Variants in CSMD1 observed in about 807,000 individuals in gnomAD.
The protein encoded by CSMD1 is CUB and sushi domain-containing protein 1.
In CSMD1, 213 loss-of-function variants were observed where a neutral mutation model predicts 417.5. That is an observed-to-expected ratio of 0.51 (90% CI 0.46 to 0.57). The LOEUF (loss-of-function observed/expected upper bound fraction) is 0.57, where lower values mean the gene tolerates loss of function less well. Among genes scored for constraint, CSMD1 ranks in the 20% least tolerant of loss-of-function variants. CSMD1 has a pLI of 0.00. For missense variants in CSMD1, 6,923 were observed against 4,529.7 expected (o/e 1.53, Z -15.17); for synonymous variants, 2,862 against 1,736.8 (o/e 1.65, Z -16.11).
chr8:4,961,406 T>A (rs17071921), intron 1 of CSMD1, among the ~76,000 whole-genome samples: 5,661 of 152,228 alleles, frequency 0.037, 341 homozygotes, highest in African/African-American at 0.13. Flanking sequence ...CAACTTCACT[T>A]TTCTCACAGG....
chr8:3,957,718 AGAAAAAG>A (rs1812055239), intron 5 of CSMD1, among the ~76,000 whole-genome samples: 1 of 114,012 alleles, frequency 8.8e-6, no homozygotes, highest in South Asian at 3.5e-4. Context: ...AAAAGAGAAA[AGAAAAAG>A]GAAAAGAAAT....
intron 5 of CSMD1, among the ~76,000 whole-genome samples, chr8:3,880,494 T>A (rs1397794245): frequency 6.6e-6 from 1 of 152,176 alleles, no homozygotes; most frequent in Admixed American, 6.6e-5. Flanking sequence ...TTCCTTAGAG[T>A]TATAAATAAA....
intron 8 of CSMD1, among the ~76,000 whole-genome samples, chr8:3,597,292 C>G (rs531055225): frequency 1.3e-5 from 2 of 152,244 alleles, no homozygotes; most frequent in South Asian, 2.1e-4. Context: ...TGGGCTGATT[C>G]TGAAGCTGAG....
rs773362580 is a variant in CSMD1, at chr8:2,982,436, G to C, written c.8378-3636C>G. ...TTATTCTCTTTCAAACTTTCTTGAG[G>C]ATCATGGAGGTCCTTCCTATCCAGT... On this transcript the variant is annotated intron_variant, in intron 54 of 69. Transcript: ENST00000635120. Among the ~76,000 whole-genome samples the C allele has an allele frequency of 1.2e-4, 19 of 152,300 alleles. 1 individual carries two copies. Among genetic ancestry groups the C allele is most frequent in the African/African-American group, 4.3e-4 (18 of 41,574 alleles).
chr8:3,483,309 C>A (rs748448576), intron 11 of CSMD1, among the ~76,000 whole-genome samples: 1 of 151,994 alleles, frequency 6.6e-6, no homozygotes, highest in Non-Finnish European at 1.5e-5. Context: ...GCTATTACTA[C>A]AGATTCATCA....
chr8:4,869,827 T>C (rs554127361), intron 1 of CSMD1, among the ~76,000 whole-genome samples: 10 of 152,086 alleles, frequency 6.6e-5, no homozygotes, highest in Non-Finnish European at 1.3e-4. Context: ...GGCTGGTCTT[T>C]AATTTATCAT....
intron 2 of CSMD1, among the ~76,000 whole-genome samples, chr8:4,578,288 G>C (rs900392853): frequency 3.5e-5 from 5 of 144,100 alleles, no homozygotes; most frequent in South Asian, 4.5e-4. Context: ...AGCCTCCCGA[G>C]TAGAGTAGCT....
intron 7 of CSMD1, among the ~76,000 whole-genome samples, chr8:3,692,214 G>A (rs950747653): frequency 1.3e-5 from 2 of 152,154 alleles, no homozygotes; most frequent in Non-Finnish European, 2.9e-5. Flanking sequence ...ATACACCTCA[G>A]TGTCCTGGGG....
intron 53 of CSMD1, among the ~76,000 whole-genome samples, chr8:2,999,582 G>A (rs536452062): frequency 2.6e-5 from 4 of 152,272 alleles, no homozygotes; most frequent in East Asian, 3.9e-4. Flanking sequence ...CTGCAAAGCT[G>A]CCCAGCAGAC....
intron 5 of CSMD1, among the ~76,000 whole-genome samples, chr8:3,894,525 A>G (rs1349569982): frequency 1.3e-5 from 2 of 152,176 alleles, no homozygotes; most frequent in African/African-American, 4.8e-5. Context: ...AAAAAAAATA[A>G]TCCTATGATA....
At chr8:4,719,495 T>G (rs1808912314) in intron 1 of CSMD1, among the ~76,000 whole-genome samples, 1 of 152,018 alleles carries the variant, frequency 6.6e-6, no homozygotes, top group African/African-American at 2.4e-5. Context: ...TCAAGCGCAT[T>G]GTAAGTAATT....
intron 8 of CSMD1, among the ~76,000 whole-genome samples, chr8:3,609,878 G>T (rs902172072): frequency 7.9e-6 from 1 of 126,322 alleles, no homozygotes; most frequent in Non-Finnish European, 1.6e-5. Context: ...AAGTGAAGTG[G>T]TGCGATCTCG....
chr8:3,470,604 G>A (rs1817031226), intron 11 of CSMD1, among the ~76,000 whole-genome samples: 1 of 152,084 alleles, frequency 6.6e-6, no homozygotes, highest in Non-Finnish European at 1.5e-5. Flanking sequence ...CACCGCCATA[G>A]TCAATGCAGG....
intron 27 of CSMD1, among the ~76,000 whole-genome samples, chr8:3,224,516 G>T (rs1461346000): frequency 6.6e-6 from 1 of 152,150 alleles, no homozygotes; most frequent in East Asian, 1.9e-4. Flanking sequence ...ATTTCAAAGT[G>T]GCAAAACAAA....
intron 14 of CSMD1, 74 bp downstream of exon 14, chr8:3,407,825 C>G: frequency 7.7e-7 from 1 of 1,305,916 alleles, no homozygotes; most frequent in Non-Finnish European, 1.0e-6. Flanking sequence ...TGCAACTTCA[C>G]ATACATATAA....
intron 2 of CSMD1, among the ~76,000 whole-genome samples, chr8:4,420,701 A>T (rs946919472): frequency 6.6e-6 from 1 of 152,122 alleles, no homozygotes; most frequent in African/African-American, 2.4e-5. Context: ...GATGGTCAGG[A>T]TAGCAAAGGC....
chr8:4,116,248 C>T (rs1802140180), intron 3 of CSMD1, among the ~76,000 whole-genome samples: 1 of 152,082 alleles, frequency 6.6e-6, no homozygotes, highest in South Asian at 2.1e-4. Flanking sequence ...CAAGCCTCAG[C>T]CTCCCACAGT....
At chr8:3,170,503 C>T (rs905095447) in intron 37 of CSMD1, among the ~76,000 whole-genome samples, 10 of 152,184 alleles carry the variant, frequency 6.6e-5, no homozygotes, top group Non-Finnish European at 8.8e-5. Flanking sequence ...CCACCGTGCC[C>T]GGCCCGAGCT....
Position 4,184,756 on chromosome 8 carries a change from C to G in CSMD1, c.416-152657G>C, listed in dbSNP as rs148382792. Among the ~76,000 whole-genome samples, 109 of 128,044 alleles carry G rather than the reference C, an allele frequency of 8.5e-4. 1 individual carries two copies. Among genetic ancestry groups the G allele is most frequent in the African/African-American group, 2.7e-3 (92 of 34,140 alleles). The allele number at this position is 128,044 out of a possible 152,430, so 84.0% of individuals were successfully genotyped here. A position where few individuals can be genotyped will look rare whatever the true frequency, so the allele number is the denominator to read the frequency against. ...TAACTAATGGGTACTGGGCTTAATA[C>G]CTGGGTGATGAAATAATCTGTACCA... On this transcript the variant is annotated intron_variant, in intron 3 of 69. Transcript: ENST00000635120.
Sources: gnomAD v4.1 joint callset for allele counts (sites outside exome capture counted in the v4.1 genomes callset) on GRCh38, gnomAD v4.1.1 for gene constraint, MANE v1.5 for transcripts, NCBI Gene and HGNC (gene_info 2026-07-23, HGNC 2026-07-21) for gene names.